Variants in LIMCH1 observed in about 807,000 individuals in gnomAD.
LIMCH1 encodes the protein LIM and calponin homology domains 1.
A neutral mutation model predicts 176.5 loss-of-function variants in LIMCH1; 113 were observed. The ratio of observed to expected loss-of-function variants is 0.64; its 90% confidence interval spans 0.55 to 0.75. The LOEUF (loss-of-function observed/expected upper bound fraction) is 0.75, where lower values mean the gene tolerates loss of function less well. Ranked by LOEUF, LIMCH1 falls within the 30% of genes least tolerant of loss-of-function variation. The pLI is 0.00. For synonymous variants in LIMCH1, 619 were observed against 645.9 expected (o/e 0.96, Z 0.63); for missense variants, 1,674 against 1,814.9 (o/e 0.92, Z 1.41).
chr4:41,663,551 A>C (rs1251922152), intron 20 of LIMCH1, among the ~76,000 whole-genome samples: 1 of 152,152 alleles, frequency 6.6e-6, no homozygotes, highest in Non-Finnish European at 1.5e-5. Flanking sequence ...GAAACCTAGA[A>C]AATTATTATT....
intron 1 of LIMCH1, among the ~76,000 whole-genome samples, chr4:41,435,198 A>G (rs930226654): frequency 1.3e-5 from 2 of 152,304 alleles, no homozygotes; most frequent in East Asian, 1.9e-4. Context: ...AGTGGACCCT[A>G]TGTTACCACA....
At chr4:41,401,227 T>C (rs1174818821) in intron 1 of LIMCH1, among the ~76,000 whole-genome samples, 2 of 152,240 alleles carry the variant, frequency 1.3e-5, no homozygotes, top group Admixed American at 1.3e-4. Flanking sequence ...AAGGAAGGGA[T>C]CCAGTTTCAG....
intron 1 of LIMCH1, among the ~76,000 whole-genome samples, chr4:41,427,073 T>A (rs2061176140): frequency 6.6e-6 from 1 of 152,208 alleles, no homozygotes; most frequent in African/African-American, 2.4e-5. Flanking sequence ...GAATGATTGA[T>A]CATTGGCACC....
At chr4:41,641,837 C>G (rs1363398240) in intron 14 of LIMCH1, among the ~76,000 whole-genome samples, 1 of 152,192 alleles carries the variant, frequency 6.6e-6, no homozygotes, top group Non-Finnish European at 1.5e-5. Context: ...TAGGGATGTT[C>G]AACCATGTAC....
At chr4:41,601,136 T>C (rs2152753676) in intron 2 of LIMCH1, among the ~76,000 whole-genome samples, 1 of 152,332 alleles carries the variant, frequency 6.6e-6, no homozygotes, top group African/African-American at 2.4e-5. Flanking sequence ...AACAAATGTT[T>C]GCTGAGCAGC....
chr4:41,511,972 C>T (rs1454972503), intron 2 of LIMCH1, among the ~76,000 whole-genome samples: 1 of 152,044 alleles, frequency 6.6e-6, no homozygotes, highest in Non-Finnish European at 1.5e-5. Flanking sequence ...TCTCTCAACC[C>T]ACAGAATGGG....
At chr4:41,561,797 C>T (rs2082098126) in intron 1 of LIMCH1, among the ~76,000 whole-genome samples, 1 of 152,106 alleles carries the variant, frequency 6.6e-6, no homozygotes, top group Admixed American at 6.6e-5. Context: ...GGAAAAGTAA[C>T]CAACAATTCT....
At chr4:41,677,808 A>G (rs903261659) in intron 23 of LIMCH1, among the ~76,000 whole-genome samples, 1 of 152,190 alleles carries the variant, frequency 6.6e-6, no homozygotes, top group Non-Finnish European at 1.5e-5. Flanking sequence ...TGCTCCTTCT[A>G]CTACATTCCC....
chr4:41,577,914 A>C (rs993282791), intron 1 of LIMCH1, among the ~76,000 whole-genome samples: 4 of 152,182 alleles, frequency 2.6e-5, no homozygotes, highest in African/African-American at 4.8e-5. Flanking sequence ...TTGAACATTC[A>C]TGTTGTTCCA....
intron 23 of LIMCH1, among the ~76,000 whole-genome samples, chr4:41,677,114 G>T (rs1481047905): frequency 1.3e-5 from 2 of 151,370 alleles, no homozygotes; most frequent in East Asian, 3.9e-4. Flanking sequence ...AGTGAGCTGA[G>T]ATCATGCCAC....
chr4:41,687,661 CATT>C (rs1721996931), intron 28 of LIMCH1, among the ~76,000 whole-genome samples, 176 bp from the exon 29 acceptor site: 1 of 151,296 alleles, frequency 6.6e-6, no homozygotes, highest in Non-Finnish European at 1.5e-5. Flanking sequence ...TCTTGCTAGA[CATT>C]ATTACTATTT....
At chr4:41,478,188 T>A (rs552675766) in intron 1 of LIMCH1, among the ~76,000 whole-genome samples, 2 of 152,168 alleles carry the variant, frequency 1.3e-5, no homozygotes, top group Non-Finnish European at 2.9e-5. Flanking sequence ...AACAAATACA[T>A]AGCTTAGCTA....
At chr4:41,557,909 C>G (rs1034459898) in intron 1 of LIMCH1, among the ~76,000 whole-genome samples, 2 of 149,812 alleles carry the variant, frequency 1.3e-5, no homozygotes, top group Admixed American at 1.3e-4. Context: ...CCAATACACA[C>G]TTTTTTTTTT....
intron 1 of LIMCH1, among the ~76,000 whole-genome samples, chr4:41,391,273 A>G (rs1456883987): frequency 6.6e-6 from 1 of 152,208 alleles, no homozygotes; most frequent in Non-Finnish European, 1.5e-5. Flanking sequence ...CTGGGGTCAC[A>G]GACATAATTA....
chr4:41,578,709 C>T (rs1304703328), intron 1 of LIMCH1, among the ~76,000 whole-genome samples: 1 of 151,808 alleles, frequency 6.6e-6, no homozygotes, highest in Non-Finnish European at 1.5e-5. Flanking sequence ...TTCTTTTCCC[C>T]CTTCCCTTCC....
At position 41,646,240 on chromosome 4, in the gene LIMCH1, A is replaced by G; in HGVS notation, c.2371A>G (p.Arg791Gly). The change falls in exon 16 of 32, where the codon AGG becomes GGG. Residue 791 changes from arginine (R) to glycine (G), a missense_variant. Physicochemically the swap from Arg to Gly is moderately radical, Grantham distance 125 (BLOSUM62 -2). Coordinates refer to ENST00000503057, the MANE Select transcript of LIMCH1 (RefSeq NM_001330672.2). Reference sequence around the variant, plus strand: ...TGGAGAAGATGGGACAAGTGAACGAAGGAAAAGCATCAAAACCTACAGAGA... The same window carrying G: ...TGGAGAAGATGGGACAAGTGAACGAGGGAAAAGCATCAAAACCTACAGAGA... ...LAGEDGTSER[R>G]KSIKTYREIV... is the part of the protein sequence containing the mutation. 1 of 1,612,930 alleles carries G rather than the reference A, an allele frequency of 6.2e-7. No homozygotes were observed. The highest frequency in any genetic ancestry group is 2.2e-5 in the East Asian group (1 of 44,876).
intron 2 of LIMCH1, among the ~76,000 whole-genome samples, chr4:41,507,112 G>T (rs924755361): frequency 1.3e-5 from 2 of 152,190 alleles, no homozygotes; most frequent in Non-Finnish European, 2.9e-5. Context: ...TCTGATAAAG[G>T]GTACACATGA....
intron 2 of LIMCH1, among the ~76,000 whole-genome samples, chr4:41,514,415 A>T (rs932363181): frequency 6.6e-6 from 1 of 152,100 alleles, no homozygotes; most frequent in East Asian, 1.9e-4. Flanking sequence ...GCCACAAAGG[A>T]GTGAGAGGAG....
In LIMCH1 at chr4:41,699,224, G is replaced by T. The variant is rs1387775312; in HGVS notation, c.*2039G>T. ...ATGTGCAACTCCATCCGTTATGTAA[G>T]GATTACATGAATATTGCACATTCCC... On this transcript the variant is annotated 3_prime_UTR_variant, in exon 32 of 32. Coordinates refer to ENST00000503057, the MANE Select transcript of LIMCH1 (RefSeq NM_001330672.2). 1 of 152,016 alleles carries T rather than the reference G, an allele frequency of 6.6e-6. No homozygotes were observed. Among genetic ancestry groups the T allele is most frequent in the East Asian group, 1.9e-4 (1 of 5,176 alleles). The allele number at this position is 152,016 out of a possible 1,614,324, so 9.4% of individuals were successfully genotyped here. A position where few individuals can be genotyped will look rare whatever the true frequency, so the allele number is the denominator to read the frequency against.
Sources: gnomAD v4.1 joint callset for allele counts (sites outside exome capture counted in the v4.1 genomes callset) on GRCh38, gnomAD v4.1.1 for gene constraint, MANE v1.5 for transcripts, NCBI Gene and HGNC (gene_info 2026-07-23, HGNC 2026-07-21) for gene names.